Variants in IL1RAPL2 observed in about 807,000 individuals in gnomAD.
IL1RAPL2 encodes X-linked interleukin-1 receptor accessory protein-like 2.
IL1RAPL2 carries 3 observed loss-of-function variants against 44.1 expected under a neutral mutation model. The observed-to-expected ratio is 0.07, with a 90% CI of 0.03 to 0.18. The LOEUF is 0.18. Among genes scored for constraint, IL1RAPL2 ranks in the 10% least tolerant of loss-of-function variants. The pLI, the probability that IL1RAPL2 is intolerant of heterozygous loss-of-function variation, is 1.00. For missense variants in IL1RAPL2, 391 were observed against 496.4 expected, an observed-to-expected ratio of 0.79 and a Z score of 2.02; for synonymous variants, 181 against 178.8, an observed-to-expected ratio of 1.01 and a Z score of -0.10.
At chrX:105,618,398 A>G (rs2037393907) in intron 6 of IL1RAPL2, among the ~76,000 whole-genome samples, 1 of 110,183 alleles carries the variant, frequency 9.1e-6, no homozygotes. Flanking sequence ...CCTATATAAC[A>G]AACCTGTGCA....
intron 2 of IL1RAPL2, among the ~76,000 whole-genome samples, chrX:104,941,091 C>G (rs760525104): frequency 9.0e-6 from 1 of 110,585 alleles, no homozygotes; most frequent in Non-Finnish European, 1.9e-5. Flanking sequence ...TTTTCTTAAT[C>G]CAGTCTATCA....
intron 2 of IL1RAPL2, among the ~76,000 whole-genome samples, chrX:104,980,822 T>G (rs1219495912): frequency 8.9e-6 from 1 of 112,072 alleles, no homozygotes; most frequent in Non-Finnish European, 1.9e-5. Context: ...TCCATATGAA[T>G]TTTAGAATAG....
chrX:105,078,250 C>G (rs985444300), intron 2 of IL1RAPL2, among the ~76,000 whole-genome samples: 1 of 111,999 alleles, frequency 8.9e-6, no homozygotes, highest in African/African-American at 3.3e-5. Context: ...TTCCTTCTAA[C>G]AGTCAGGACC....
At chrX:104,965,980 G>GT (rs1374291585) in intron 2 of IL1RAPL2, among the ~76,000 whole-genome samples, 5 of 110,914 alleles carry the variant, frequency 4.5e-5, no homozygotes, top group Non-Finnish European at 7.6e-5. Flanking sequence ...TAGGAGAGAG[G>GT]TGAGATCCAA....
intron 1 of IL1RAPL2, among the ~76,000 whole-genome samples, chrX:104,585,265 A>T (rs3899953): frequency 0.1 from 2,547 of 24,357 alleles, 531 homozygotes; most frequent in African/African-American, 0.51. Flanking sequence ...ATATATATAT[A>T]ATATATTATA....
At chrX:105,194,369 T>C (rs1322318698) in intron 2 of IL1RAPL2, among the ~76,000 whole-genome samples, 1 of 112,428 alleles carries the variant, frequency 8.9e-6, no homozygotes, top group Non-Finnish European at 1.9e-5. Context: ...CTGAGATGAT[T>C]GTTTTTTAAA....
chrX:105,753,834 T>C (rs1475394734), intron 9 of IL1RAPL2, among the ~76,000 whole-genome samples: 1 of 111,758 alleles, frequency 8.9e-6, no homozygotes, highest in African/African-American at 3.3e-5. Context: ...TTAATACAAA[T>C]AACCAGAATT....
At chrX:104,980,025 T>C (rs192724679) in intron 2 of IL1RAPL2, among the ~76,000 whole-genome samples, 141 of 112,121 alleles carry the variant, frequency 1.3e-3, no homozygotes, top group African/African-American at 4.5e-3. Context: ...TGTTCAAGGG[T>C]ACTCATTGCC....
At chrX:105,365,428 T>A (rs1389485183) in intron 5 of IL1RAPL2, among the ~76,000 whole-genome samples, 1 of 111,388 alleles carries the variant, frequency 9.0e-6, no homozygotes, top group Non-Finnish European at 1.9e-5. Flanking sequence ...ACTTTGGGAG[T>A]ATTCCCTCCT....
At chrX:105,137,128 G>C (rs1239407864) in intron 2 of IL1RAPL2, among the ~76,000 whole-genome samples, 1 of 111,967 alleles carries the variant, frequency 8.9e-6, no homozygotes, top group African/African-American at 3.2e-5. Context: ...GGCAGGTAGA[G>C]AGAGTAGACA....
intron 6 of IL1RAPL2, among the ~76,000 whole-genome samples, chrX:105,642,000 G>A (rs2037572797): frequency 9.0e-6 from 1 of 111,171 alleles, no homozygotes; most frequent in Non-Finnish European, 1.9e-5. Context: ...ACCTCGCAAG[G>A]TTTCTTCAAG....
At chrX:105,656,343 T>C (rs368400495) in intron 6 of IL1RAPL2, among the ~76,000 whole-genome samples, 4 of 112,376 alleles carry the variant, frequency 3.6e-5, no homozygotes, top group African/African-American at 1.3e-4. Context: ...TTATTTGTAT[T>C]ATCTTTGTTT....
intron 2 of IL1RAPL2, among the ~76,000 whole-genome samples, chrX:105,102,608 C>T (rs892194312): frequency 9.0e-6 from 1 of 111,382 alleles, no homozygotes; most frequent in East Asian, 2.8e-4. Flanking sequence ...ATGTATGTTT[C>T]AGTCTCTTTG....
intron 2 of IL1RAPL2, among the ~76,000 whole-genome samples, chrX:104,983,675 T>TTATATACATAATATTAACATAA (rs2030507498): frequency 2.0e-5 from 2 of 98,871 alleles, no homozygotes; most frequent in African/African-American, 7.2e-5. Context: ...ATACATAATA[T>TTATATACATAATATTAACATAA]TATATACATA....
In IL1RAPL2 at chrX:105,740,596, T is replaced by C; in HGVS notation, c.953T>C (p.Phe318Ser). 8.3e-7 allele frequency: 1 copy of C among 1,208,596 alleles called. No individual in the cohort carries two copies. The highest frequency in any genetic ancestry group is 1.1e-6 in the Non-Finnish European group (1 of 892,965). ...AAAGAAGTTGAATTGGCACTCATCT[T>C]TGACTCAGTTGTGGAAGCTGACCTG... ...GEKEVELALI[F>S]DSVVEADLAN... is the part of the protein sequence containing the mutation. The change falls in exon 8 of 11, where the codon TTT (phenylalanine) becomes TCT (serine). Residue 318 changes from phenylalanine (F) to serine (S), a missense_variant. Phe to Ser is a radical substitution (Grantham distance 155). Transcript: ENST00000372582.
intron 1 of IL1RAPL2, among the ~76,000 whole-genome samples, chrX:104,626,965 C>T (rs905643905): frequency 1.1e-4 from 12 of 108,908 alleles, no homozygotes; most frequent in East Asian, 5.9e-4. Context: ...ACTACAGGCA[C>T]GCACCAACAC....
chrX:104,752,975 A>T (rs768017821), intron 2 of IL1RAPL2, among the ~76,000 whole-genome samples: 8 of 109,599 alleles, frequency 7.3e-5, no homozygotes, highest in Middle Eastern at 4.6e-3. Flanking sequence ...ACATAAAATG[A>T]TTTCCCACCC....
intron 1 of IL1RAPL2, among the ~76,000 whole-genome samples, chrX:104,575,236 A>G (rs1204552981): frequency 9.0e-6 from 1 of 111,699 alleles, no homozygotes; most frequent in Non-Finnish European, 1.9e-5. Context: ...TAAACATAGA[A>G]AATGTATATG....
At chrX:105,385,174 A>G (rs746916744) in intron 5 of IL1RAPL2, among the ~76,000 whole-genome samples, 42 of 111,425 alleles carry the variant, frequency 3.8e-4, no homozygotes, top group Non-Finnish European at 7.0e-4. Context: ...CTGCATCCTT[A>G]TCGTATTCCA....
Sources: allele counts gnomAD v4.1 joint callset (sites outside exome capture counted in the v4.1 genomes callset), GRCh38; gene constraint gnomAD v4.1.1; transcripts MANE v1.5; gene names NCBI Gene and HGNC (gene_info 2026-07-23, HGNC 2026-07-21).